GPR135: variants seen among roughly 807,000 people sequenced by gnomAD.
GPR135 encodes the protein G-protein coupled receptor 135.
A neutral mutation model predicts 15.0 loss-of-function variants in GPR135; 17 were observed. That is an observed-to-expected ratio of 1.13 (90% CI 0.78 to 1.70). GPR135 has a LOEUF of 1.70. Among genes scored for constraint, GPR135 ranks in the 40% most tolerant of loss-of-function variants. The pLI is 0.00. For missense variants in GPR135, 776 were observed against 727.0 expected (o/e 1.07, Z -0.78); for synonymous variants, 368 against 349.4 (o/e 1.05, Z -0.59).
At position 59,464,587 on chromosome 14, in the gene GPR135, C is replaced by T. The variant is rs768499613; in HGVS notation, c.640G>A (p.Val214Met). 2.5e-6 allele frequency: 4 copies of T among 1,586,730 alleles called. No homozygotes were observed. The highest frequency in any genetic ancestry group is 3.4e-6 in the Non-Finnish European group (4 of 1,174,602). The change falls in exon 1 of 1, where the codon GTG becomes ATG. Residue 214 changes from valine to methionine, a missense_variant. By Grantham distance (21) the Val-to-Met change is conservative. Coordinates refer to ENST00000395116, the MANE Select transcript of GPR135 (RefSeq NM_022571.6). ...LISLDRYCAI[V>M]RPPREKIGRR... ...CCGATCTTCTCCCGCGGCGGCCGCACGATAGCGCAGTAACGGTCCAACGAG... is the reference window on the plus strand; with the variant it reads ...CCGATCTTCTCCCGCGGCGGCCGCATGATAGCGCAGTAACGGTCCAACGAG...
At position 59,462,706 on chromosome 14, in the gene GPR135, C is replaced by T. The variant is rs117351168; in HGVS notation, c.*1036G>A. 7.2e-5 allele frequency: 11 copies of T among 152,256 alleles called. No homozygotes were observed. The East Asian group carries it at 7.7e-4, about 11-fold the overall frequency. The allele number at this position is 152,256 out of a possible 1,614,324, so 9.4% of individuals were successfully genotyped here. On this transcript the variant is annotated 3_prime_UTR_variant, in exon 1 of 1. Transcript: ENST00000395116. ...TAGTTTTAGAATTTCTCTTTGGAAT[C>T]GTTTTCAGTTAGCTAAAAGCCACGT...
downstream of GPR135, chr14:59,458,843 T>C (rs1314071847): frequency 6.6e-6 from 1 of 152,268 alleles, no homozygotes; most frequent in Non-Finnish European, 1.5e-5. Context: ...CCCCAGCTTC[T>C]TGGCTGCACT....
At position 59,462,673 on chromosome 14, in the gene GPR135, TC is replaced by T. The variant is rs1163492097; in HGVS notation, c.*1068del. 1.3e-5 allele frequency: 2 copies of T among 152,204 alleles called. No individual in the cohort carries two copies. Among genetic ancestry groups the T allele is most frequent in the Non-Finnish European group, 2.9e-5 (2 of 68,012 alleles). The allele number at this position is 152,204 out of a possible 1,614,324, so 9.4% of individuals were successfully genotyped here. On this transcript the variant is annotated 3_prime_UTR_variant, in exon 1 of 1. Coordinates refer to ENST00000395116, the MANE Select transcript of GPR135 (RefSeq NM_022571.6). ...TCTACGCTAATTCCAAGAGGCTGCT[TC>T]TCAAAATAGTTTTAGAATTTCTCTT...
At position 59,463,965 on chromosome 14, in the gene GPR135, C is replaced by A; in HGVS notation, c.1262G>T (p.Gly421Val). ...VDAFLPSQGP[G>V]LQARSRSRLR... The stretch of plus-strand genomic sequence containing the variant: ...GCGACTGCGGCTTCTGGCTTGCAGA[C>A]CCGGGCCCTGGCTGGGCAGGAAAGC... Residue 421 changes from glycine to valine, a missense_variant, in exon 1 of 1, where the codon GGT becomes GTT. Coordinates refer to ENST00000395116, the MANE Select transcript of GPR135 (RefSeq NM_022571.6). 1 of 1,614,052 alleles carries A rather than the reference C, an allele frequency of 6.2e-7. No individual in the cohort carries two copies.
downstream of GPR135, among the ~76,000 whole-genome samples, chr14:59,457,183 G>A (rs767215974): frequency 2.6e-5 from 4 of 152,062 alleles, no homozygotes; most frequent in Admixed American, 6.6e-5. Flanking sequence ...AATCTTACTG[G>A]GATTCCCTTG....
chr14:59,459,161 C>T (rs191738611), downstream of GPR135, among the ~76,000 whole-genome samples: 95 of 152,324 alleles, frequency 6.2e-4, no homozygotes, highest in Admixed American at 2.1e-3. Flanking sequence ...TAATGTTCAC[C>T]AGTTAAACTT....
At chr14:59,453,033 C>T (rs1014446139) in intron 6 of GPR135, among the ~76,000 whole-genome samples, 1 of 152,140 alleles carries the variant, frequency 6.6e-6, no homozygotes, top group Admixed American at 6.5e-5. Flanking sequence ...AAGGCAAAAC[C>T]ATGGAGACCG....
Position 59,462,978 on chromosome 14 carries a change from G to T in GPR135, c.*764C>A, listed in dbSNP as rs1265351553. ...AAATAAAAGTAACAGGTTAGAGTAAGGATAAAACTTCAAAGTTTTCCAAGG... is the reference window on the plus strand; with the variant it reads ...AAATAAAAGTAACAGGTTAGAGTAATGATAAAACTTCAAAGTTTTCCAAGG... On this transcript the variant is annotated 3_prime_UTR_variant, in exon 1 of 1. Coordinates refer to ENST00000395116, the MANE Select transcript of GPR135 (RefSeq NM_022571.6). The T allele has an allele frequency of 6.6e-6, 1 of 152,148 alleles. No individual in the cohort carries two copies. The highest frequency in any genetic ancestry group is 1.5e-5 in the Non-Finnish European group (1 of 68,018). The allele number at this position is 152,148 out of a possible 1,614,324, so 9.4% of individuals were successfully genotyped here.
chr14:59,453,586 G>A (rs1888559494), intron 6 of GPR135, among the ~76,000 whole-genome samples: 1 of 152,138 alleles, frequency 6.6e-6, no homozygotes, highest in Non-Finnish European at 1.5e-5. Flanking sequence ...AAGACCAACT[G>A]GGAACTCCAA....
At position 59,463,817 on chromosome 14, in the gene GPR135, G is replaced by A. The variant is rs1888960872; in HGVS notation, c.1410C>T (p.Cys470=). ...WARKNPVVLF[C]REGPPEPVTA... The stretch of plus-strand genomic sequence containing the variant: ...TCACCGGCTCTGGTGGTCCCTCTCG[G>A]CAGAAAAGTACAACTGGATTTTTGC... The change falls in exon 1 of 1, where the codon TGC becomes TGT. Residue 470 remains cysteine (C), a synonymous_variant. Coordinates refer to ENST00000395116, the MANE Select transcript of GPR135 (RefSeq NM_022571.6). The A allele has an allele frequency of 6.2e-7, 1 of 1,614,178 alleles. No homozygotes were observed. Among genetic ancestry groups the A allele is most frequent in the Non-Finnish European group, 8.5e-7 (1 of 1,180,008 alleles).
chr14:59,459,720 G>A (rs1481430113), downstream of GPR135, among the ~76,000 whole-genome samples: 1 of 152,198 alleles, frequency 6.6e-6, no homozygotes, highest in South Asian at 2.1e-4. Flanking sequence ...TTCTTTTGAT[G>A]AGTTAGCTAA....
At position 59,463,765 on chromosome 14, in the gene GPR135, C is replaced by A. The variant is rs147733345; in HGVS notation, c.1462G>T (p.Glu488Ter). The change falls in exon 1 of 1, where the codon GAA becomes TAA. Residue 488 changes from glutamate (E) to a stop codon, truncating the protein, a stop_gained. Coordinates refer to ENST00000395116, the MANE Select transcript of GPR135 (RefSeq NM_022571.6). LOFTEE classifies it high-confidence loss of function. ...TCTTAGAGGCTGGTATCCCCAGCTT[C>A]GGATTTAGGCTGTTTGGTCACTGCC... ...VTAVTKQPKS[E>*]AGDTSL The A allele has an allele frequency of 1.9e-6, 3 of 1,603,420 alleles. No individual in the cohort carries two copies. In the South Asian group the frequency reaches 3.3e-5, roughly 18 times the overall value.
In GPR135 at chr14:59,461,185, T is replaced by G. The variant is rs1888844369; in HGVS notation, c.*2557A>C. 6.6e-6 allele frequency: 1 copy of G among 152,154 alleles called. No individual in the cohort carries two copies. The highest frequency in any genetic ancestry group is 6.5e-5 in the Admixed American group (1 of 15,284). The allele number at this position is 152,154 out of a possible 1,614,324, so 9.4% of individuals were successfully genotyped here. On this transcript the variant is annotated 3_prime_UTR_variant, in exon 1 of 1. Transcript: ENST00000395116. ...CCCAGGAAGTTGCCCTTATATAAAG[T>G]AGGAAACAAAAATGGTAGATGATGA...
chr14:59,463,083 ATTTC>A lies in GPR135; in HGVS notation c.*655_*658del, dbSNP rs1306660328. ...ATCTTGGAAAACATTTAAAAGACAC[ATTTC>A]TTTATGTTCATACTTCTATTTGTCC... is the stretch of plus-strand genomic sequence containing the variant. On this transcript the variant is annotated 3_prime_UTR_variant, in exon 1 of 1. Transcript: ENST00000395116. 1 of 152,174 alleles carries A rather than the reference ATTTC, an allele frequency of 6.6e-6. No individual in the cohort carries two copies. The highest frequency in any genetic ancestry group is 1.9e-4 in the East Asian group (1 of 5,204). The allele number at this position is 152,174 out of a possible 1,614,324, so 9.4% of individuals were successfully genotyped here. A position where few individuals can be genotyped will look rare whatever the true frequency, so the allele number is the denominator to read the frequency against.
At position 59,462,260 on chromosome 14, in the gene GPR135, A is replaced by T. The variant is rs1020504934; in HGVS notation, c.*1482T>A. On this transcript the variant is annotated 3_prime_UTR_variant, in exon 1 of 1. Coordinates refer to ENST00000395116, the MANE Select transcript of GPR135 (RefSeq NM_022571.6). The stretch of plus-strand genomic sequence containing the variant: ...GTTCAATTAAGGCTATGAAATACTG[A>T]AGAAAAGGGGCAGGATGGAGGAAAA... The T allele has an allele frequency of 6.6e-6, 1 of 152,232 alleles. No homozygotes were observed. The highest frequency in any genetic ancestry group is 1.5e-5 in the Non-Finnish European group (1 of 68,038). The allele number at this position is 152,232 out of a possible 1,614,324, so 9.4% of individuals were successfully genotyped here. A position where few individuals can be genotyped will look rare whatever the true frequency, so the allele number is the denominator to read the frequency against.
Position 59,463,849 on chromosome 14 carries a change from A to T in GPR135, c.1378T>A (p.Trp460Arg). The change falls in exon 1 of 1, where the codon TGG (tryptophan) becomes AGG (arginine). Residue 460 changes from tryptophan (W) to arginine (R), a missense_variant. Coordinates refer to ENST00000395116, the MANE Select transcript of GPR135 (RefSeq NM_022571.6). ...AGTACAACTGGATTTTTGCGGGCCCACATGGCCACGTCCCCTGCCACTCCG... is the reference window on the plus strand; with the variant it reads ...AGTACAACTGGATTTTTGCGGGCCCTCATGGCCACGTCCCCTGCCACTCCG... The part of the protein sequence containing the change: ...ASGVAGDVAM[W>R]ARKNPVVLFC... 6.2e-7 allele frequency: 1 copy of T among 1,614,002 alleles called. No individual in the cohort carries two copies. Among genetic ancestry groups the T allele is most frequent in the South Asian group, 1.1e-5 (1 of 91,046 alleles).
chr14:59,464,131 A>AG lies in GPR135; in HGVS notation c.1095dup (p.Ser366LeufsTer44), dbSNP rs753681727. On this transcript the variant is annotated frameshift_variant, in exon 1 of 1. Transcript: ENST00000395116. LOFTEE classifies it high-confidence loss of function. ...CAGACGGCCACCACGCTGAGGAGCGAGGGGGCCTGCATGGTCTGGGCCTGC... is the reference window on the plus strand; with the variant it reads ...CAGACGGCCACCACGCTGAGGAGCGAGGGGGGCCTGCATGGTCTGGGCCTGC... 1 of 1,610,106 alleles carries AG rather than the reference A, an allele frequency of 6.2e-7. No homozygotes were observed.
downstream of GPR135, among the ~76,000 whole-genome samples, chr14:59,457,266 A>G (rs939639216): frequency 1.3e-5 from 2 of 151,734 alleles, no homozygotes; most frequent in Admixed American, 6.6e-5. Flanking sequence ...CATTTTTACT[A>G]TTTTACTATT....
rs1888832252 is a variant in GPR135 at position 59,460,878 on chromosome 14, T to C, written c.*2864A>G. 6.6e-6 allele frequency: 1 copy of C among 152,254 alleles called. No homozygotes were observed. The highest frequency in any genetic ancestry group is 2.4e-5 in the African/African-American group (1 of 41,468). The allele number at this position is 152,254 out of a possible 1,614,324, so 9.4% of individuals were successfully genotyped here. A position where few individuals can be genotyped will look rare whatever the true frequency, so the allele number is the denominator to read the frequency against. ...TAGTAAGCACAACGAAAGGTCGAAG[T>C]CTTAGATTATTTTGAGAATCATTCT... On this transcript the variant is annotated 3_prime_UTR_variant, in exon 1 of 1. Coordinates refer to ENST00000395116, the MANE Select transcript of GPR135 (RefSeq NM_022571.6).
Sources: gnomAD v4.1 joint callset for allele counts (sites outside exome capture counted in the v4.1 genomes callset) on GRCh38, gnomAD v4.1.1 for gene constraint, MANE v1.5 for transcripts, NCBI Gene and HGNC (gene_info 2026-07-23, HGNC 2026-07-21) for gene names.